Variants in SLC23A2 observed in about 807,000 individuals in gnomAD.
SLC23A2 encodes Na(+)/L-ascorbic acid transporter 2.
SLC23A2 carries 36 observed loss-of-function variants against 73.3 expected under a neutral mutation model. The ratio of observed to expected loss-of-function variants is 0.49; its 90% CI spans 0.38 to 0.65. SLC23A2 has a LOEUF of 0.65. SLC23A2 is among the 30% of genes least tolerant of loss of function. The pLI is 0.00. For synonymous variants in SLC23A2, 343 were observed against 327.3 expected (o/e 1.05, Z -0.52); for missense variants, 507 against 841.6 (o/e 0.60, Z 4.92).
chr20:4,968,958 T>C (rs2087518589), intron 2 of SLC23A2, among the ~76,000 whole-genome samples: 1 of 151,810 alleles, frequency 6.6e-6, no homozygotes, highest in Non-Finnish European at 1.5e-5. Context: ...CCTGACCTCA[T>C]GATCCACCCA....
intron 2 of SLC23A2, among the ~76,000 whole-genome samples, chr20:4,959,329 T>C (rs929046727): frequency 2.0e-5 from 3 of 152,126 alleles, no homozygotes; most frequent in Admixed American, 1.3e-4. Flanking sequence ...TGGGTGGGTA[T>C]GCAAAATGGT....
intron 1 of SLC23A2, among the ~76,000 whole-genome samples, chr20:4,973,592 C>T (rs774122982): frequency 6.6e-6 from 1 of 152,164 alleles, no homozygotes; most frequent in Non-Finnish European, 1.5e-5. Context: ...GAAGGAATCA[C>T]GATACAAACA....
chr20:4,863,246 A>G lies in SLC23A2; in HGVS notation c.1357-339T>C, dbSNP rs6052944. Among the ~76,000 whole-genome samples, 26,679 of 152,002 alleles carry G rather than the reference A, an allele frequency of 0.18. 3,024 individuals are homozygous for G. The highest frequency in any genetic ancestry group is 0.32 in the African/African-American group (13,262 of 41,378). ...ACATGTCACCAAGGCAATTTCCCCC[A>G]AAGTGCTTCAGCCTCAATGCCAACT... is the stretch of plus-strand genomic sequence containing the variant. On this transcript the variant is annotated intron_variant, in intron 13 of 16. Coordinates refer to ENST00000338244, the MANE Select transcript of SLC23A2 (RefSeq NM_005116.6). The surrounding 1 kb of genome is among the most constrained non-coding windows in gnomAD (Gnocchi z 4.8).
rs1195270268 is a variant in SLC23A2, at chr20:4,857,007, G to T, written c.1918C>A (p.Arg640=). 5.6e-6 allele frequency: 9 copies of T among 1,614,088 alleles called. No individual in the cohort carries two copies. The South Asian group carries it at 9.9e-5, about 18-fold the overall frequency. The change falls in exon 17 of 17, where the codon CGG becomes AGG. Residue 640 remains arginine, a synonymous_variant. Coordinates refer to ENST00000338244, the MANE Select transcript of SLC23A2 (RefSeq NM_005116.6). The surrounding 1 kb of genome is among the most constrained non-coding windows in gnomAD (Gnocchi z 4.0). ...GCCTGGGAGTCTTCATCTGAACTCCGGCTGTTGTCGCTCTTCCTGAGGCCT... is the reference window on the plus strand; with the variant it reads ...GCCTGGGAGTCTTCATCTGAACTCCTGCTGTTGTCGCTCTTCCTGAGGCCT... ...WKGLRKSDNS[R]SSDEDSQATG
At position 4,947,253 on chromosome 20, in the gene SLC23A2, G is replaced by A. The variant is rs549991446; in HGVS notation, c.-154-14537C>T. Among the ~76,000 whole-genome samples the A allele has an allele frequency of 1.5e-4, 23 of 152,306 alleles. No individual in the cohort carries two copies. Among genetic ancestry groups the A allele is most frequent in the African/African-American group, 5.1e-4 (21 of 41,566 alleles). ...AAATACTTGGGGAAATCCCTGACTC[G>A]TTCAGGGAAATCTTGTGGCTGGGAC... On this transcript the variant is annotated intron_variant, in intron 2 of 16. Coordinates refer to ENST00000338244, the MANE Select transcript of SLC23A2 (RefSeq NM_005116.6). This position sits in a 1 kb window ranked among gnomAD's most constrained non-coding sequence, Gnocchi z 4.4.
At chr20:4,966,501 T>C (rs913218205) in intron 2 of SLC23A2, among the ~76,000 whole-genome samples, 16 of 152,150 alleles carry the variant, frequency 1.1e-4, no homozygotes, top group African/African-American at 3.9e-4. Flanking sequence ...ACATATACAA[T>C]AGACTTCAAA....
Position 4,932,590 on chromosome 20 carries a change from G to A in SLC23A2, c.-28C>T, listed in dbSNP as rs370870779. 3.3e-5 allele frequency: 40 copies of A among 1,210,586 alleles called. No individual in the cohort carries two copies. Among genetic ancestry groups the A allele is most frequent in the African/African-American group, 1.2e-4 (8 of 67,262 alleles). The allele number at this position is 1,210,586 out of a possible 1,614,324, so 75.0% of individuals were successfully genotyped here. A position where few individuals can be genotyped will look rare whatever the true frequency, so the allele number is the denominator to read the frequency against. ...AGAGAAACGAGTAGTTTACACAGCC[G>A]TTGGGGAGAGCAGCTGGAAGTGAAG... On this transcript the variant is annotated 5_prime_UTR_variant, in exon 3 of 17. In the 5' UTR this introduces an upstream ATG that the reference lacks. Transcript: ENST00000338244.
intron 9 of SLC23A2, among the ~76,000 whole-genome samples, chr20:4,875,789 C>T (rs1214401307): frequency 6.6e-6 from 1 of 152,244 alleles, no homozygotes; most frequent in Non-Finnish European, 1.5e-5. Context: ...CGGTCTCGCT[C>T]TTTCACTTAC....
intron 13 of SLC23A2, among the ~76,000 whole-genome samples, chr20:4,867,192 C>A (rs1383910663): frequency 6.6e-6 from 1 of 152,166 alleles, no homozygotes; most frequent in Non-Finnish European, 1.5e-5. Context: ...CAGACCCCAC[C>A]TGCTCTGACT....
chr20:5,007,946 G>A (rs986472561), intron 1 of SLC23A2, among the ~76,000 whole-genome samples: 1 of 147,938 alleles, frequency 6.8e-6, no homozygotes, highest in African/African-American at 2.5e-5. Context: ...TTTTGCTCTT[G>A]TTGCCCAGGC....
chr20:4,964,975 TG>T (rs773543989), intron 2 of SLC23A2, among the ~76,000 whole-genome samples: 26 of 151,976 alleles, frequency 1.7e-4, no homozygotes, highest in Non-Finnish European at 2.9e-4. Context: ...GGATTATATG[TG>T]GTTTTTTTTC....
At chr20:4,956,131 A>G (rs1011716569) in intron 2 of SLC23A2, among the ~76,000 whole-genome samples, 3 of 152,210 alleles carry the variant, frequency 2.0e-5, no homozygotes, top group African/African-American at 7.2e-5. Flanking sequence ...AAAATATCTA[A>G]TCTGATTAAC....
chr20:4,926,770 TG>T lies in SLC23A2; in HGVS notation c.108+5684del, dbSNP rs547859434. Among the ~76,000 whole-genome samples the T allele has an allele frequency of 2.0e-4, 30 of 152,260 alleles. No individual in the cohort carries two copies. In the East Asian group the frequency reaches 5.8e-3, roughly 30 times the overall value. On this transcript the variant is annotated intron_variant, in intron 3 of 16. Transcript: ENST00000338244. ...GACATTCTACTTCTAAGTATGGATT[TG>T]TTCTTTTTCTTTGTAAAATGTTTGT... is the stretch of plus-strand genomic sequence containing the variant.
chr20:4,907,086 T>C (rs1364639736), intron 4 of SLC23A2, among the ~76,000 whole-genome samples: 16 of 152,170 alleles, frequency 1.1e-4, no homozygotes, highest in Admixed American at 1.0e-3. Context: ...CAAATATGTA[T>C]GGTTTGAAGA....
intron 9 of SLC23A2, among the ~76,000 whole-genome samples, chr20:4,882,069 A>C (rs1410180962): frequency 6.6e-6 from 1 of 152,142 alleles, no homozygotes; most frequent in African/African-American, 2.4e-5. Flanking sequence ...ACCTTTGGTG[A>C]AATGAGAATA....
chr20:4,880,808 C>G (rs78419525), intron 9 of SLC23A2, among the ~76,000 whole-genome samples: 10,111 of 151,916 alleles, frequency 0.067, 776 homozygotes, highest in African/African-American at 0.19. Flanking sequence ...CCGAGGGCAG[C>G]ACGTGAGGCT....
intron 4 of SLC23A2, among the ~76,000 whole-genome samples, chr20:4,911,006 A>G (rs1416317465): frequency 6.6e-6 from 1 of 152,318 alleles, no homozygotes; most frequent in East Asian, 1.9e-4. Context: ...GCTCATCACT[A>G]TTTATTTCTA....
intron 4 of SLC23A2, among the ~76,000 whole-genome samples, chr20:4,905,649 T>C (rs531503263): frequency 1.3e-5 from 2 of 152,374 alleles, no homozygotes; most frequent in African/African-American, 4.8e-5. Flanking sequence ...TAACCTTTGC[T>C]ATCTCCTCTG....
intron 9 of SLC23A2, among the ~76,000 whole-genome samples, chr20:4,875,592 G>C (rs949453215): frequency 6.6e-6 from 1 of 152,168 alleles, no homozygotes; most frequent in Admixed American, 6.5e-5. Context: ...ACTGCACTAA[G>C]TGCTATGGGA....
Sources: gnomAD v4.1 joint callset for allele counts (sites outside exome capture counted in the v4.1 genomes callset) on GRCh38, gnomAD v4.1.1 for gene constraint, Gnocchi (gnomAD v3.1) non-coding constraint, MANE v1.5 for transcripts, NCBI Gene and HGNC (gene_info 2026-07-23, HGNC 2026-07-21) for gene names.